The following CNOT1 variants were observed in gnomAD, a reference collection of about 807,000 sequenced individuals.
The protein encoded by CNOT1 is CCR4-associated factor 1.
Under a neutral mutation model 273.8 loss-of-function variants are expected in CNOT1, and 15 were observed. That is an observed-to-expected ratio of 0.05 (90% CI 0.04 to 0.08). The LOEUF (loss-of-function observed/expected upper bound fraction) is 0.08. Among genes scored for constraint, CNOT1 ranks in the 10% least tolerant of loss-of-function variants. The pLI, the probability that CNOT1 is intolerant of heterozygous loss-of-function variation, is 1.00. For synonymous variants in CNOT1, 1,022 were observed against 1,005.5 expected, an observed-to-expected ratio of 1.02 and a Z score of -0.31; for missense variants, 1,644 against 2,912.2, an observed-to-expected ratio of 0.56 and a Z score of 10.02.
At chr16:58,602,890 C>A in intron 1 of CNOT1, among the ~76,000 whole-genome samples, 1 of 151,772 alleles carries the variant, frequency 6.6e-6, no homozygotes. Flanking sequence ...GTTTCATATT[C>A]AAAAAAAAGC....
At chr16:58,585,566 C>T in intron 7 of CNOT1, 60 bp from the exon 8 acceptor site, 1 of 1,561,326 alleles carries the variant, frequency 6.4e-7, no homozygotes. Context: ...TCCTCTTTTG[C>T]TCTATCCAAA....
intron 1 of CNOT1, among the ~76,000 whole-genome samples, chr16:58,622,329 C>A (rs1428375167): frequency 1.2e-4 from 1 of 8,420 alleles, no homozygotes; most frequent in Non-Finnish European, 2.4e-4. Flanking sequence ...ATGTACCACT[C>A]TAGTGGGGGG....
intron 16 of CNOT1, among the ~76,000 whole-genome samples, chr16:58,573,951 A>T (rs889942297): frequency 3.3e-5 from 5 of 152,118 alleles, no homozygotes; most frequent in African/African-American, 1.2e-4. Flanking sequence ...GATCAACAGA[A>T]TTAAGAAACC....
intron 13 of CNOT1, 67 bp from the exon 14 acceptor site, chr16:58,576,649 C>T (rs2041466727): frequency 1.9e-6 from 3 of 1,594,682 alleles, no homozygotes; most frequent in South Asian, 1.1e-5. Context: ...ATTACAAATG[C>T]CCAGTTAATT....
chr16:58,538,134 C>T (rs566828593), intron 37 of CNOT1, 24 bp downstream of exon 37: 13 of 1,607,914 alleles, frequency 8.1e-6, no homozygotes, highest in East Asian at 4.5e-5. Context: ...TCCTTTTGTC[C>T]GTGCAAGTAA....
In CNOT1 at chr16:58,599,514, G is replaced by A. The variant is rs2042387945; in HGVS notation, c.-174-3C>T. The A allele has an allele frequency of 4.3e-6, 3 of 690,112 alleles. No homozygotes were observed. The highest frequency in any genetic ancestry group is 6.7e-6 in the Non-Finnish European group (3 of 445,468). 42.7% of individuals were successfully genotyped at this position (690,112 alleles called of 1,614,324 possible). ...TACTCTGTTCTGAAACATGGCACCTGTTTAAAAAAACACACACACACAAAT... is the reference window on the plus strand; with the variant it reads ...TACTCTGTTCTGAAACATGGCACCTATTTAAAAAAACACACACACACAAAT... On this transcript the variant is annotated splice_polypyrimidine_tract_variant and splice_region_variant and intron_variant, in intron 1 of 48. Transcript: ENST00000317147.
chr16:58,575,427 C>T (rs1369242859), intron 14 of CNOT1, among the ~76,000 whole-genome samples: 1 of 152,094 alleles, frequency 6.6e-6, no homozygotes, highest in Non-Finnish European at 1.5e-5. Context: ...ATAATTATCC[C>T]TACCCATTTT....
chr16:58,575,152 T>C (rs776257447), intron 14 of CNOT1, 23 bp from the exon 15 acceptor site: 1 of 1,604,538 alleles, frequency 6.2e-7, no homozygotes, highest in East Asian at 2.2e-5. Context: ...GCACATTAGA[T>C]AATGCAAATG....
intron 1 of CNOT1, chr16:58,624,649 T>C (rs1438768396): frequency 6.6e-6 from 1 of 151,744 alleles, no homozygotes; most frequent in Non-Finnish European, 1.5e-5. Context: ...AAGACAAAAA[T>C]TACCCAGCCG....
intron 14 of CNOT1, among the ~76,000 whole-genome samples, chr16:58,576,045 C>T (rs2041448593): frequency 6.6e-6 from 1 of 152,176 alleles, no homozygotes; most frequent in African/African-American, 2.4e-5. Context: ...TCATCTCATT[C>T]TAGGAGCTAG....
chr16:58,544,726 C>T (rs1269740973), intron 30 of CNOT1, among the ~76,000 whole-genome samples: 2 of 152,156 alleles, frequency 1.3e-5, no homozygotes, highest in African/African-American at 4.8e-5. Context: ...ATGAAAACTC[C>T]ACTCACCTGA....
chr16:58,566,880 C>T (rs1453468848), intron 16 of CNOT1, among the ~76,000 whole-genome samples: 2 of 152,174 alleles, frequency 1.3e-5, no homozygotes, highest in African/African-American at 4.8e-5. Flanking sequence ...GTGACCCACC[C>T]TCGGCCTCCC....
intron 2 of CNOT1, chr16:58,598,056 G>C (rs1324802265): frequency 1.7e-5 from 3 of 177,128 alleles, no homozygotes; most frequent in Non-Finnish European, 3.5e-5. Flanking sequence ...CTGAGGTCAG[G>C]AGTTCAAGAC....
Position 58,520,283 on chromosome 16 carries a change from TTA to T in CNOT1, c.*673_*674del, listed in dbSNP as rs1228983652. 6.6e-6 allele frequency: 1 copy of T among 152,168 alleles called. No individual in the cohort carries two copies. Among genetic ancestry groups the T allele is most frequent in the African/African-American group, 2.4e-5 (1 of 41,396 alleles). The allele number at this position is 152,168 out of a possible 1,614,324, so 9.4% of individuals were successfully genotyped here. ...GCTTTAGGCCTGGTCTGGTTTCCCT[TTA>T]TATAAAGAGCTGACCCCCATCTCAG... On this transcript the variant is annotated 3_prime_UTR_variant, in exon 49 of 49. Transcript: ENST00000317147.
chr16:58,588,177 T>C (rs1318819145), intron 3 of CNOT1, among the ~76,000 whole-genome samples: 2 of 152,028 alleles, frequency 1.3e-5, no homozygotes, highest in Non-Finnish European at 2.9e-5. Context: ...CAGATGCCTA[T>C]AATCTCAGCT....
intron 31 of CNOT1, chr16:58,543,137 T>G (rs1454956275): frequency 7.4e-6 from 10 of 1,347,732 alleles, no homozygotes; most frequent in Non-Finnish European, 9.6e-6. Context: ...AAAAAATCAT[T>G]AAAGCAGTAA....
chr16:58,581,348 G>T lies in CNOT1; in HGVS notation c.1212C>A (p.Gly404=). ...TAGCTAAATACCACTTACTCACCTGGCCTTCAGCATGTTTCCAAGGTCTAT... is the reference window on the plus strand; with the variant it reads ...TAGCTAAATACCACTTACTCACCTGTCCTTCAGCATGTTTCCAAGGTCTAT... ...LIYRPWKHAE[G]QLSFIQHSLI... Residue 404 remains glycine, a synonymous_variant, in exon 11 of 49, where the codon GGC becomes GGA. Coordinates refer to ENST00000317147, the MANE Select transcript of CNOT1 (RefSeq NM_016284.5). The T allele has an allele frequency of 6.2e-7, 1 of 1,604,250 alleles. No individual in the cohort carries two copies. Among genetic ancestry groups the T allele is most frequent in the South Asian group, 1.1e-5 (1 of 88,448 alleles).
chr16:58,581,652 C>T (rs543337177), intron 10 of CNOT1, 137 bp from the exon 11 acceptor site: 10 of 1,365,182 alleles, frequency 7.3e-6, no homozygotes, highest in South Asian at 6.6e-5. Context: ...TTAAGAAACC[C>T]ATTCTTTTTT....
chr16:58,612,860 C>T (rs1468501860), intron 1 of CNOT1, among the ~76,000 whole-genome samples: 2 of 152,110 alleles, frequency 1.3e-5, no homozygotes, highest in South Asian at 2.1e-4. Flanking sequence ...CTATTGTGTA[C>T]ATAATAGAAT....
Sources: allele counts gnomAD v4.1 joint callset (sites outside exome capture counted in the v4.1 genomes callset), GRCh38; gene constraint gnomAD v4.1.1; transcripts MANE v1.5; gene names NCBI Gene and HGNC (gene_info 2026-07-23, HGNC 2026-07-21).